PCGF5: variants seen among roughly 807,000 people sequenced by gnomAD.
The protein encoded by PCGF5 is polycomb group RING finger protein 5.
PCGF5 carries 9 observed loss-of-function variants against 44.3 expected under a neutral mutation model. The observed-to-expected ratio is 0.20, with a 90% CI of 0.12 to 0.35. The LOEUF (loss-of-function observed/expected upper bound fraction) is 0.35, where lower values mean the gene tolerates loss of function less well. Among genes scored for constraint, PCGF5 ranks in the 10% least tolerant of loss-of-function variants. PCGF5 has a pLI of 1.00. For synonymous variants in PCGF5, 95 were observed against 102.5 expected (o/e 0.93, Z 0.44); for missense variants, 146 against 305.3 (o/e 0.48, Z 3.89).
chr10:91,168,051 T>C (rs773830795), intron 1 of PCGF5, among the ~76,000 whole-genome samples: 2 of 152,216 alleles, frequency 1.3e-5, no homozygotes, highest in African/African-American at 2.4e-5. Context: ...AATATTTGTC[T>C]AATTAATGGA....
rs55858066 is a variant in PCGF5 at position 91,205,290 on chromosome 10, G to GACACAC, written c.-183-17384_-183-17379dup. Reference sequence around the variant, plus strand: ...TTTTTTCTGGGTTTCTAAATGACTGGACACACACACACACACACACGGCCC... The same window carrying GACACAC: ...TTTTTTCTGGGTTTCTAAATGACTGGACACACACACACACACACACACACACGGCCC... On this transcript the variant is annotated intron_variant, in intron 1 of 9. Transcript: ENST00000614189. 7.3e-4 allele frequency among the ~76,000 whole-genome samples: 109 copies of GACACAC among 149,324 alleles called. 1 individual carries two copies. The highest frequency in any genetic ancestry group is 2.4e-3 in the African/African-American group (99 of 40,680).
rs1353966474 is a variant in PCGF5 at position 91,234,897 on chromosome 10, C to CTA, written c.113-5584_113-5583dup. Reference sequence around the variant, plus strand: ...CTCAACATTATCTGGAACAACTATGCTATACTACCTTGGTTTTTCATGTAT... The same window carrying CTA: ...CTCAACATTATCTGGAACAACTATGCTATATACTACCTTGGTTTTTCATGTAT... On this transcript the variant is annotated intron_variant, in intron 2 of 9. Transcript: ENST00000336126. Among the ~76,000 whole-genome samples, 5 of 152,290 alleles carry CTA rather than the reference C, an allele frequency of 3.3e-5. No individual in the cohort carries two copies. The East Asian group carries it at 9.6e-4, about 29-fold the overall frequency.
At chr10:91,263,596 A>G (rs1238800908) in intron 7 of PCGF5, among the ~76,000 whole-genome samples, 2 of 152,186 alleles carry the variant, frequency 1.3e-5, no homozygotes, top group Non-Finnish European at 2.9e-5. Context: ...AAAATGTTAT[A>G]TTATTTGTAG....
At chr10:91,247,154 G>A (rs1845488301) in intron 3 of PCGF5, among the ~76,000 whole-genome samples, 1 of 151,946 alleles carries the variant, frequency 6.6e-6, no homozygotes, top group Non-Finnish European at 1.5e-5. Flanking sequence ...AAAGAAAAAT[G>A]CTTAGTAATA....
intron 1 of PCGF5, chr10:91,163,095 G>A (rs1431537408): frequency 6.7e-6 from 1 of 149,554 alleles, no homozygotes; most frequent in African/African-American, 2.4e-5. Context: ...AGGGCGATGC[G>A]CGGGGACCCA....
intron 2 of PCGF5, among the ~76,000 whole-genome samples, chr10:91,238,335 G>A (rs1845223699): frequency 6.6e-6 from 1 of 152,138 alleles, no homozygotes; most frequent in African/African-American, 2.4e-5. Context: ...ACCTTTGGAT[G>A]CTTGAGCCCT....
chr10:91,203,681 A>G (rs1194113870), intron 1 of PCGF5, among the ~76,000 whole-genome samples: 1 of 152,148 alleles, frequency 6.6e-6, no homozygotes, highest in Non-Finnish European at 1.5e-5. Flanking sequence ...ATCCTGATAA[A>G]CCAATTACCT....
chr10:91,235,182 G>A (rs1211311523), intron 2 of PCGF5, among the ~76,000 whole-genome samples: 5 of 152,056 alleles, frequency 3.3e-5, no homozygotes, highest in South Asian at 2.1e-4. Context: ...GTCCTGGTGC[G>A]AATCTCCTAG....
At chr10:91,181,122 T>G (rs937407935) in intron 1 of PCGF5, among the ~76,000 whole-genome samples, 3 of 152,138 alleles carry the variant, frequency 2.0e-5, no homozygotes, top group Non-Finnish European at 4.4e-5. Context: ...TGCATGGGAG[T>G]TCATTTGTGA....
intron 5 of PCGF5, 123 bp downstream of exon 5, chr10:91,248,847 T>C: frequency 1.3e-6 from 1 of 777,742 alleles, no homozygotes; most frequent in South Asian, 1.8e-5. Flanking sequence ...ATGCACCCTT[T>C]TATTTACATT....
chr10:91,216,805 C>T (rs1844549733), upstream of PCGF5, among the ~76,000 whole-genome samples: 2 of 152,110 alleles, frequency 1.3e-5, no homozygotes, highest in Admixed American at 6.6e-5. Context: ...GTTCCCCCTA[C>T]CATTCATACA....
At chr10:91,161,973 G>A (rs1298295053), upstream of PCGF5, among the ~76,000 whole-genome samples, 1 of 152,010 alleles carries the variant, frequency 6.6e-6, no homozygotes, top group African/African-American at 2.4e-5. Flanking sequence ...CACAAGGGGG[G>A]ATTCTGCTTG....
chr10:91,173,607 C>T (rs1260305693), intron 1 of PCGF5, among the ~76,000 whole-genome samples: 1 of 121,668 alleles, frequency 8.2e-6, no homozygotes. Context: ...CCACAGAAGC[C>T]ATGAGTAGTA....
At chr10:91,263,840 A>G (rs560894998) in intron 7 of PCGF5, among the ~76,000 whole-genome samples, 1 of 152,320 alleles carries the variant, frequency 6.6e-6, no homozygotes, top group African/African-American at 2.4e-5. Flanking sequence ...GCCCTAAGAG[A>G]CACAGACCTG....
At chr10:91,201,236 T>C (rs1844246576) in intron 1 of PCGF5, among the ~76,000 whole-genome samples, 1 of 152,138 alleles carries the variant, frequency 6.6e-6, no homozygotes, top group Admixed American at 6.5e-5. Context: ...GGTGAGGGCC[T>C]TCTTGCCGGT....
intron 1 of PCGF5, among the ~76,000 whole-genome samples, chr10:91,172,078 C>T (rs967856626): frequency 1.3e-5 from 2 of 152,144 alleles, no homozygotes; most frequent in African/African-American, 4.8e-5. Context: ...GGATTACAGA[C>T]GTGTGGCAGA....
chr10:91,191,417 A>T (rs1844031919), intron 1 of PCGF5, among the ~76,000 whole-genome samples: 1 of 152,198 alleles, frequency 6.6e-6, no homozygotes, highest in Non-Finnish European at 1.5e-5. Context: ...AGATATCATC[A>T]CACTACTCAG....
intron 2 of PCGF5, among the ~76,000 whole-genome samples, chr10:91,226,617 G>A (rs1231435467): frequency 6.6e-6 from 1 of 152,162 alleles, no homozygotes; most frequent in Non-Finnish European, 1.5e-5. Context: ...AACCAGATAG[G>A]TTGGTGCTTC....
At chr10:91,239,113 A>G (rs1368779653) in intron 2 of PCGF5, among the ~76,000 whole-genome samples, 1 of 152,008 alleles carries the variant, frequency 6.6e-6, no homozygotes, top group African/African-American at 2.4e-5. Flanking sequence ...CCCTGTCTCT[A>G]TCTTATTTTT....
Sources: allele counts gnomAD v4.1 joint callset (sites outside exome capture counted in the v4.1 genomes callset), GRCh38; gene constraint gnomAD v4.1.1; transcripts MANE v1.5; gene names NCBI Gene and HGNC (gene_info 2026-07-23, HGNC 2026-07-21).